Variants in CYTH1 observed in about 807,000 individuals in gnomAD.
CYTH1 encodes cytohesin-1.
CYTH1 carries 18 observed loss-of-function variants against 61.8 expected under a neutral mutation model. That is an observed-to-expected ratio of 0.29 (90% confidence interval 0.20 to 0.43). The LOEUF is 0.43. CYTH1 is among the 20% of genes least tolerant of loss of function. The pLI is 1.00. For synonymous variants in CYTH1, 174 were observed against 184.3 expected, an observed-to-expected ratio of 0.94 and a Z score of 0.45; for missense variants, 336 against 510.5, an observed-to-expected ratio of 0.66 and a Z score of 3.29.
chr17:78,689,130 G>C (rs984208074), intron 11 of CYTH1, among the ~76,000 whole-genome samples: 1 of 152,176 alleles, frequency 6.6e-6, no homozygotes, highest in African/African-American at 2.4e-5. Flanking sequence ...ACTGAAATAA[G>C]TGTTGGATTC....
intron 2 of CYTH1, 77 bp from the exon 3 acceptor site, chr17:78,708,338 T>C: frequency 7.5e-7 from 1 of 1,333,882 alleles, no homozygotes; most frequent in Non-Finnish European, 1.0e-6. Flanking sequence ...CTCACATAAC[T>C]CCCTCCAACC....
chr17:78,735,062 A>C (rs1236904558), intron 1 of CYTH1, among the ~76,000 whole-genome samples: 2 of 152,206 alleles, frequency 1.3e-5, no homozygotes, highest in African/African-American at 4.8e-5. Context: ...CACTGCCTTC[A>C]GTCCCAGGTG....
At chr17:78,752,293 G>A (rs1033344838) in intron 1 of CYTH1, among the ~76,000 whole-genome samples, 1 of 152,124 alleles carries the variant, frequency 6.6e-6, no homozygotes, top group African/African-American at 2.4e-5. Context: ...CTGTAAAGGA[G>A]TTTTTTAATA....
At chr17:78,687,991 C>T (rs943738729) in intron 11 of CYTH1, among the ~76,000 whole-genome samples, 1 of 152,218 alleles carries the variant, frequency 6.6e-6, no homozygotes, top group Non-Finnish European at 1.5e-5. Flanking sequence ...CCTCCGAGGG[C>T]TGCATGAACA....
chr17:78,782,192 G>C lies in CYTH1; in HGVS notation c.22+10C>G. 1 of 1,367,492 alleles carries C rather than the reference G, an allele frequency of 7.3e-7. No individual in the cohort carries two copies. The highest frequency in any genetic ancestry group is 9.6e-7 in the Non-Finnish European group (1 of 1,045,716). 84.7% of individuals were successfully genotyped at this position (1,367,492 alleles called of 1,614,324 possible). ...CGAGGGGGAAGCGTCCGCCGCCGGG[G>C]CGCACTGACCGTAGCTGTCGTCCTC... On this transcript the variant is annotated intron_variant, in intron 1 of 13. Transcript: ENST00000446868.
chr17:78,683,767 C>A (rs1049015661), intron 11 of CYTH1, among the ~76,000 whole-genome samples: 5 of 152,178 alleles, frequency 3.3e-5, no homozygotes, highest in Admixed American at 6.5e-5. Context: ...GAGGTGAGGG[C>A]AACAGCTGGT....
At chr17:78,685,670 C>T (rs1181687447) in intron 11 of CYTH1, among the ~76,000 whole-genome samples, 3 of 152,180 alleles carry the variant, frequency 2.0e-5, no homozygotes, top group East Asian at 3.9e-4. Context: ...TTTTACTTCC[C>T]AGGGCCTTTC....
At chr17:78,762,502 A>C (rs971881839) in intron 1 of CYTH1, among the ~76,000 whole-genome samples, 5 of 152,232 alleles carry the variant, frequency 3.3e-5, no homozygotes, top group African/African-American at 1.2e-4. Flanking sequence ...ACTAAGGTAG[A>C]TGTATAGATG....
intron 13 of CYTH1, 32 bp from the exon 14 acceptor site, chr17:78,676,201 G>A (rs377550091): frequency 1.8e-5 from 29 of 1,580,122 alleles, no homozygotes; most frequent in Non-Finnish European, 2.4e-5. Flanking sequence ...AAACAGAGAC[G>A]TGAGGGACAG....
At chr17:78,688,943 C>G (rs2092847108) in intron 11 of CYTH1, among the ~76,000 whole-genome samples, 1 of 152,274 alleles carries the variant, frequency 6.6e-6, no homozygotes, top group South Asian at 2.1e-4. Context: ...GTTCTGCTGT[C>G]TCATCAATGG....
In CYTH1 at chr17:78,702,106, A is replaced by T; in HGVS notation, c.356+16T>A. On this transcript the variant is annotated intron_variant, in intron 5 of 13. Coordinates refer to ENST00000446868, the MANE Select transcript of CYTH1 (RefSeq NM_004762.6). ...AACAGCCTTCCCTAGCATGCGCATA[A>T]TCCCCAAGGCCTTACCTCTCCCCTA... is the stretch of plus-strand genomic sequence containing the variant. 1 of 1,586,634 alleles carries T rather than the reference A, an allele frequency of 6.3e-7. No individual in the cohort carries two copies. The highest frequency in any genetic ancestry group is 8.6e-7 in the Non-Finnish European group (1 of 1,156,524).
intron 3 of CYTH1, among the ~76,000 whole-genome samples, chr17:78,704,632 G>A (rs1052799159): frequency 1.1e-4 from 16 of 152,024 alleles, no homozygotes; most frequent in Non-Finnish European, 1.3e-4. Flanking sequence ...GTGATCCTCC[G>A]GCCTCAGCCT....
chr17:78,733,412 T>C (rs935394848), intron 1 of CYTH1, among the ~76,000 whole-genome samples: 3 of 152,204 alleles, frequency 2.0e-5, no homozygotes, highest in Admixed American at 6.5e-5. Flanking sequence ...ACACTACCAA[T>C]AGAGCCCAAT....
At chr17:78,775,692 C>T (rs1159726493) in intron 1 of CYTH1, among the ~76,000 whole-genome samples, 2 of 152,130 alleles carry the variant, frequency 1.3e-5, no homozygotes, top group Non-Finnish European at 1.5e-5. Flanking sequence ...CATTTGCAGA[C>T]GTCTCTTCCT....
rs1331446201 is a variant in CYTH1 at position 78,700,996 on chromosome 17, A to C, written c.438-553T>G. On this transcript the variant is annotated intron_variant, in intron 6 of 13. Coordinates refer to ENST00000446868, the MANE Select transcript of CYTH1 (RefSeq NM_004762.6). This position sits in a 1 kb window ranked among gnomAD's most constrained non-coding sequence, Gnocchi z 5.1. ...AAAAATTAGGAGGGAAACAATCCCT[A>C]CTGAGGAGTGGTTTCCCTCCTCAGA... Among the ~76,000 whole-genome samples, 1 of 152,250 alleles carries C rather than the reference A, an allele frequency of 6.6e-6. No homozygotes were observed. Among genetic ancestry groups the C allele is most frequent in the Non-Finnish European group, 1.5e-5 (1 of 68,042 alleles).
chr17:78,743,780 T>C (rs1244720281), intron 1 of CYTH1, among the ~76,000 whole-genome samples: 1 of 152,236 alleles, frequency 6.6e-6, no homozygotes, highest in African/African-American at 2.4e-5. Flanking sequence ...CTGAAGATTT[T>C]CCTTAAGTCT....
rs189908446 is a variant in CYTH1 at position 78,702,647 on chromosome 17, C to T, written c.171-43G>A. The stretch of plus-strand genomic sequence containing the variant: ...CAGCCATTTTAGTACTTCAGGCCAT[C>T]GGAAAGGCTTGAAAGACTAATATGA... On this transcript the variant is annotated intron_variant, in intron 3 of 13. Coordinates refer to ENST00000446868, the MANE Select transcript of CYTH1 (RefSeq NM_004762.6). 2.5e-3 allele frequency: 3,932 copies of T among 1,584,924 alleles called. 10 individuals carry two copies. The highest frequency in any genetic ancestry group is 2.8e-3 in the Non-Finnish European group (3,277 of 1,154,334).
intron 1 of CYTH1, among the ~76,000 whole-genome samples, chr17:78,776,645 C>T (rs1489554071): frequency 3.0e-4 from 37 of 124,250 alleles, no homozygotes; most frequent in African/African-American, 9.5e-4. Flanking sequence ...GACAACAGAG[C>T]GAGACTCTGT....
intron 1 of CYTH1, among the ~76,000 whole-genome samples, chr17:78,720,446 A>G (rs1047798655): frequency 6.6e-6 from 1 of 152,070 alleles, no homozygotes; most frequent in Non-Finnish European, 1.5e-5. Flanking sequence ...AGCCTCCCCA[A>G]TAGATAGGAC....
Sources: gnomAD v4.1 joint callset for allele counts (sites outside exome capture counted in the v4.1 genomes callset) on GRCh38, gnomAD v4.1.1 for gene constraint, Gnocchi (gnomAD v3.1) non-coding constraint, MANE v1.5 for transcripts, NCBI Gene and HGNC (gene_info 2026-07-23, HGNC 2026-07-21) for gene names.